MASP1: variants seen among roughly 807,000 people sequenced by gnomAD.
The protein encoded by MASP1 is MBL associated serine protease 1, also known as mannan-binding lectin serine protease 1.
Under a neutral mutation model 77.1 loss-of-function variants are expected in MASP1, and 59 were observed. The ratio of observed to expected loss-of-function variants is 0.77; its 90% confidence interval spans 0.62 to 0.95. The LOEUF is 0.95. Ranked by LOEUF, MASP1 falls within the 40% of genes least tolerant of loss-of-function variation. The pLI is 0.00. For missense variants in MASP1, 885 were observed against 912.9 expected (o/e 0.97, Z 0.39); for synonymous variants, 362 against 354.5 (o/e 1.02, Z -0.24).
At chr3:187,268,675 A>T (rs1355656847) in intron 2 of MASP1, among the ~76,000 whole-genome samples, 1 of 152,232 alleles carries the variant, frequency 6.6e-6, no homozygotes, top group African/African-American at 2.4e-5. Flanking sequence ...ATGGCAATGT[A>T]CTTCAGGAAG....
Position 187,235,964 on chromosome 3 carries a change from G to A in MASP1, c.1907C>T (p.Ser636Phe), listed in dbSNP as rs140344039. The A allele has an allele frequency of 6.2e-6, 10 of 1,614,224 alleles. No homozygotes were observed. Among genetic ancestry groups the A allele is most frequent in the Non-Finnish European group, 8.5e-6 (10 of 1,180,046 alleles). Residue 636 changes from serine to phenylalanine, a missense_variant, in exon 11 of 11, where the codon TCC becomes TTC. Coordinates refer to ENST00000296280, the MANE Select transcript of MASP1 (RefSeq NM_139125.4). ...PHAECKTSYE[S>F]RSGNYSVTEN... ...CGTGACGCTGTAATTGCCCGAGCGG[G>A]ACTCATAGCTAGTTTTGCACTCAGC...
chr3:187,246,745 C>G, intron 8 of MASP1: 2 of 977,180 alleles, frequency 2.0e-6, no homozygotes, highest in Non-Finnish European at 2.4e-6. Flanking sequence ...GACAGAACCT[C>G]TAATGATGAC....
At chr3:187,278,528 C>T (rs1579577078) in intron 2 of MASP1, among the ~76,000 whole-genome samples, 1 of 152,238 alleles carries the variant, frequency 6.6e-6, no homozygotes, top group East Asian at 1.9e-4. Flanking sequence ...TCTTACGACT[C>T]TTTAAGCTCT....
chr3:187,286,166 G>C, intron 1 of MASP1, 110 bp from the exon 2 acceptor site: 1 of 852,060 alleles, frequency 1.2e-6, no homozygotes, highest in Non-Finnish European at 1.9e-6. Flanking sequence ...TCTCTGGCCT[G>C]CCGTAATTAG....
At chr3:187,289,049 G>C (rs1265443866) in intron 1 of MASP1, among the ~76,000 whole-genome samples, 2 of 152,106 alleles carry the variant, frequency 1.3e-5, no homozygotes, top group African/African-American at 4.8e-5. Context: ...AATGTTTTTG[G>C]CTTCTTGTAT....
chr3:187,263,734 G>T (rs1031958394), intron 2 of MASP1, among the ~76,000 whole-genome samples: 1 of 152,134 alleles, frequency 6.6e-6, no homozygotes, highest in South Asian at 2.1e-4. Context: ...TTTGCTAAAA[G>T]AATTCCCTTC....
downstream of MASP1, among the ~76,000 whole-genome samples, chr3:187,229,326 C>G (rs972568140): frequency 9.8e-5 from 15 of 152,298 alleles, no homozygotes; most frequent in South Asian, 2.1e-4. Flanking sequence ...TCACTGATCT[C>G]CTGGCCTCCA....
At chr3:187,262,746 A>G (rs1259548412) in intron 2 of MASP1, 26 bp from the exon 3 acceptor site, 2 of 1,609,372 alleles carry the variant, frequency 1.2e-6, no homozygotes, top group African/African-American at 2.7e-5. Flanking sequence ...GAAAGGGAAC[A>G]AGATGAGCAG....
At chr3:187,225,590 G>T in intron 12 of MASP1, 1 of 1,404,808 alleles carries the variant, frequency 7.1e-7, no homozygotes, top group South Asian at 1.2e-5. Context: ...CCCCGCCCCA[G>T]CCCCATCCAG....
At chr3:187,285,086 T>C (rs1163638465) in intron 2 of MASP1, among the ~76,000 whole-genome samples, 1 of 152,148 alleles carries the variant, frequency 6.6e-6, no homozygotes, top group African/African-American at 2.4e-5. Flanking sequence ...TGCAATAAAC[T>C]TGATCCCTTA....
intron 13 of MASP1, among the ~76,000 whole-genome samples, chr3:187,224,768 CAG>C (rs1712310486): frequency 1.3e-5 from 2 of 152,188 alleles, no homozygotes; most frequent in Non-Finnish European, 1.5e-5. Flanking sequence ...TTCCTGAAAA[CAG>C]GGGGCACTTT....
At chr3:187,282,181 T>C (rs928740083) in intron 2 of MASP1, among the ~76,000 whole-genome samples, 1 of 152,178 alleles carries the variant, frequency 6.6e-6, no homozygotes, top group Non-Finnish European at 1.5e-5. Flanking sequence ...GTCTCTTCTC[T>C]ACGTTGGGCC....
At chr3:187,253,865 G>A (rs560749251) in intron 5 of MASP1, among the ~76,000 whole-genome samples, 51 of 152,102 alleles carry the variant, frequency 3.4e-4, no homozygotes, top group Admixed American at 2.4e-3. Context: ...GGGAGGGAGT[G>A]CATTAGGACA....
chr3:187,225,310 G>T (rs775154746), intron 13 of MASP1: 1 of 1,612,430 alleles, frequency 6.2e-7, no homozygotes, highest in Non-Finnish European at 8.5e-7. Context: ...AGAGGTGGAG[G>T]TAGGGGAAAG....
chr3:187,243,355 G>T, intron 9 of MASP1, 129 bp downstream of exon 9: 2 of 930,990 alleles, frequency 2.1e-6, no homozygotes, highest in South Asian at 1.3e-5. Context: ...TGAGTGACAC[G>T]TTTTGCATTA....
chr3:187,222,311 G>C (rs1402042077), intron 14 of MASP1, among the ~76,000 whole-genome samples: 1 of 152,096 alleles, frequency 6.6e-6, no homozygotes, highest in Admixed American at 6.5e-5. Flanking sequence ...AGCCCAAGGG[G>C]GCCAGGGACC....
intron 2 of MASP1, among the ~76,000 whole-genome samples, chr3:187,276,257 T>C (rs563093802): frequency 6.6e-6 from 1 of 152,244 alleles, no homozygotes; most frequent in African/African-American, 2.4e-5. Context: ...TTTTTGTCCA[T>C]AAACTTATTA....
Position 187,253,322 on chromosome 3 carries a change from A to AG in MASP1, c.745-8_745-7insC. The AG allele has an allele frequency of 6.2e-7, 1 of 1,614,066 alleles. No individual in the cohort carries two copies. The highest frequency in any genetic ancestry group is 8.5e-7 in the Non-Finnish European group (1 of 1,179,964). On this transcript the variant is annotated splice_region_variant and splice_polypyrimidine_tract_variant and intron_variant, in intron 5 of 10. Coordinates refer to ENST00000296280, the MANE Select transcript of MASP1 (RefSeq NM_139125.4). ...CTTTTGGACCAACTTTGATCTGCAA[A>AG]ATATGAGAGAGAGAGAGAGAAATAG...
intron 2 of MASP1, among the ~76,000 whole-genome samples, chr3:187,272,850 T>C (rs1302673463): frequency 6.6e-6 from 1 of 152,220 alleles, no homozygotes; most frequent in East Asian, 1.9e-4. Context: ...AGCCACCTAG[T>C]TTGTGGACAT....
Sources: allele counts gnomAD v4.1 joint callset (sites outside exome capture counted in the v4.1 genomes callset), GRCh38; gene constraint gnomAD v4.1.1; transcripts MANE v1.5; gene names NCBI Gene and HGNC (gene_info 2026-07-23, HGNC 2026-07-21).